Variants in EFCAB13 observed in about 807,000 individuals in gnomAD.
EFCAB13 encodes the protein EF-hand calcium-binding domain-containing protein 13.
In EFCAB13, 91 loss-of-function variants were observed where a neutral mutation model predicts 110.2. The observed-to-expected ratio is 0.83, with a 90% confidence interval of 0.70 to 0.98. The LOEUF is 0.98. EFCAB13 is among the 50% of genes least tolerant of loss of function. The pLI, the probability that EFCAB13 is intolerant of heterozygous loss-of-function variation, is 0.00. For missense variants in EFCAB13, 968 were observed against 1,119.4 expected, an observed-to-expected ratio of 0.86 and a Z score of 1.93; for synonymous variants, 323 against 369.9, an observed-to-expected ratio of 0.87 and a Z score of 1.45.
chr17:47,391,503 A>G lies in EFCAB13; in HGVS notation c.1649A>G (p.Asn550Ser). ...KDKNVDYEDL[N>S]TCLQNFGIYL... ...AAAAATGTGGATTATGAGGATCTAA[A>G]TACTTGTCTTCAAAATTTTGGTATT... The change falls in exon 15 of 25, where the codon AAT becomes AGT. Residue 550 changes from asparagine (N) to serine (S), a missense_variant. Asn to Ser is a conservative substitution (Grantham distance 46, BLOSUM62 1). Coordinates refer to ENST00000331493, the MANE Select transcript of EFCAB13 (RefSeq NM_152347.5). 1 of 1,595,612 alleles carries G rather than the reference A, an allele frequency of 6.3e-7. No individual in the cohort carries two copies. The highest frequency in any genetic ancestry group is 2.3e-5 in the East Asian group (1 of 43,804).
chr17:47,398,096 CGTCCGGG>C, intron 17 of EFCAB13, among the ~76,000 whole-genome samples: 1 of 148,156 alleles, frequency 6.7e-6, no homozygotes, highest in African/African-American at 2.5e-5. Flanking sequence ...CCAGCCGCCC[CGTCCGGG>C]AGGGAGGTGG....
At chr17:47,401,488 G>A (rs1385366275) in intron 17 of EFCAB13, among the ~76,000 whole-genome samples, 2 of 152,046 alleles carry the variant, frequency 1.3e-5, no homozygotes, top group African/African-American at 4.8e-5. Context: ...AAGTTTTCTG[G>A]TGTAGAATTT....
At chr17:47,393,753 TAA>T (rs200501700) in intron 15 of EFCAB13, among the ~76,000 whole-genome samples, 1 of 132,206 alleles carries the variant, frequency 7.6e-6, no homozygotes. Context: ...AATAAATAAA[TAA>T]AAATAAAAAT....
At chr17:47,410,391 A>G (rs1328402259) in intron 21 of EFCAB13, among the ~76,000 whole-genome samples, 1 of 152,156 alleles carries the variant, frequency 6.6e-6, no homozygotes, top group Non-Finnish European at 1.5e-5. Flanking sequence ...ACCTGTCAAC[A>G]CTGTTGCATT....
At chr17:47,377,932 G>A (rs777147825) in intron 13 of EFCAB13, 29 bp downstream of exon 13, 5 of 1,540,254 alleles carry the variant, frequency 3.2e-6, no homozygotes, top group Admixed American at 2.4e-5. Flanking sequence ...TGAAGTTTCT[G>A]AGAAAGTTAG....
intron 6 of EFCAB13, among the ~76,000 whole-genome samples, chr17:47,342,417 A>G (rs890863664): frequency 1.3e-5 from 2 of 151,934 alleles, no homozygotes; most frequent in Non-Finnish European, 2.9e-5. Context: ...CTGTGTCTGT[A>G]TCTCATCTCC....
At chr17:47,367,931 A>G (rs2065557540) in intron 10 of EFCAB13, among the ~76,000 whole-genome samples, 1 of 152,072 alleles carries the variant, frequency 6.6e-6, no homozygotes, top group Non-Finnish European at 1.5e-5. Flanking sequence ...TGGGCAGGGG[A>G]CTAGACTCGT....
intron 12 of EFCAB13, among the ~76,000 whole-genome samples, chr17:47,375,276 G>A (rs2065608451): frequency 6.6e-6 from 1 of 151,990 alleles, no homozygotes; most frequent in Admixed American, 6.6e-5. Flanking sequence ...TGTGATTAAT[G>A]CCACTGAATA....
At chr17:47,357,516 G>A (rs2065487780) in intron 9 of EFCAB13, among the ~76,000 whole-genome samples, 1 of 152,198 alleles carries the variant, frequency 6.6e-6, no homozygotes, top group African/African-American at 2.4e-5. Flanking sequence ...CCTGGTTCAA[G>A]CAATTCTCCT....
At chr17:47,357,503 C>T (rs2065487659) in intron 9 of EFCAB13, among the ~76,000 whole-genome samples, 1 of 152,184 alleles carries the variant, frequency 6.6e-6, no homozygotes, top group South Asian at 2.1e-4. Context: ...CAACCTCTGC[C>T]TCCCTGGTTC....
intron 23 of EFCAB13, among the ~76,000 whole-genome samples, chr17:47,427,264 A>G (rs1428843321): frequency 6.6e-6 from 1 of 152,138 alleles, no homozygotes; most frequent in Non-Finnish European, 1.5e-5. Flanking sequence ...GAGTAGGTTC[A>G]GAATTAGAAG....
At chr17:47,375,602 T>C (rs895024820) in intron 12 of EFCAB13, among the ~76,000 whole-genome samples, 5 of 152,134 alleles carry the variant, frequency 3.3e-5, no homozygotes, top group Non-Finnish European at 7.4e-5. Flanking sequence ...GGCCTGCCAC[T>C]TCTGACACAT....
chr17:47,409,916 C>T (rs1458575690), intron 21 of EFCAB13, among the ~76,000 whole-genome samples: 1 of 152,056 alleles, frequency 6.6e-6, no homozygotes, highest in Non-Finnish European at 1.5e-5. Context: ...ATCTTTCTAG[C>T]GTTATTTTGT....
chr17:47,411,373 A>G lies in EFCAB13; in HGVS notation c.2279-1400A>G, dbSNP rs192283281. 3.2e-3 allele frequency among the ~76,000 whole-genome samples: 484 copies of G among 152,204 alleles called. 1 individual carries two copies. The highest frequency in any genetic ancestry group is 4.4e-3 in the Non-Finnish European group (302 of 68,010). ...CAGACAAACTGACATTTCCCCCCCA[A>G]ACTCAGTTCAAATGTCATTTCTGAT... On this transcript the variant is annotated intron_variant, in intron 21 of 24. Transcript: ENST00000331493.
At chr17:47,345,229 C>T in intron 8 of EFCAB13, 131 bp downstream of exon 8, 2 of 593,880 alleles carry the variant, frequency 3.4e-6, no homozygotes, top group East Asian at 3.1e-5. Flanking sequence ...CATGGTATGG[C>T]AAATGCTGCG....
chr17:47,423,523 C>T (rs1183634615), intron 23 of EFCAB13: 1 of 276,484 alleles, frequency 3.6e-6, no homozygotes, highest in African/African-American at 2.2e-5. Flanking sequence ...TCCTTCGCTT[C>T]TCCCGATCCC....
At chr17:47,333,648 G>C (rs2065332639) in intron 4 of EFCAB13, among the ~76,000 whole-genome samples, 1 of 152,140 alleles carries the variant, frequency 6.6e-6, no homozygotes, top group Non-Finnish European at 1.5e-5. Context: ...TTTTTCTGCA[G>C]AAGGATATCC....
chr17:47,409,098 A>G (rs775137935), intron 20 of EFCAB13, among the ~76,000 whole-genome samples: 1 of 152,202 alleles, frequency 6.6e-6, no homozygotes, highest in Non-Finnish European at 1.5e-5. Flanking sequence ...CTTTAATACA[A>G]TAGAGTCCAT....
In EFCAB13 at chr17:47,374,623, C is replaced by T; in HGVS notation, c.1029C>T (p.Asn343=). ...CCAAAAAGTTAAATAAAAAAAGCAA[C>T]CAATATTATAGCAAAATTATGGAGA... ...SISKKLNKKS[N]QYYSKIMEND... Residue 343 remains asparagine (N), a synonymous_variant, in exon 12 of 25, where the codon AAC becomes AAT. Transcript: ENST00000331493. 1 of 1,604,432 alleles carries T rather than the reference C, an allele frequency of 6.2e-7. No individual in the cohort carries two copies. Among genetic ancestry groups the T allele is most frequent in the Non-Finnish European group, 8.5e-7 (1 of 1,177,684 alleles).
Sources: gnomAD v4.1 joint callset for allele counts (sites outside exome capture counted in the v4.1 genomes callset) on GRCh38, gnomAD v4.1.1 for gene constraint, MANE v1.5 for transcripts, NCBI Gene and HGNC (gene_info 2026-07-23, HGNC 2026-07-21) for gene names.